PDZRN4: variants seen among roughly 807,000 people sequenced by gnomAD.
PDZRN4 encodes the protein PDZ domain containing ring finger 4.
Under a neutral mutation model 99.0 loss-of-function variants are expected in PDZRN4, and 70 were observed. The ratio of observed to expected loss-of-function variants is 0.71; its 90% CI spans 0.58 to 0.86. The LOEUF is 0.86. Among genes scored for constraint, PDZRN4 ranks in the 40% least tolerant of loss-of-function variants. The probability of loss-of-function intolerance (pLI) is 0.00; values close to 1 mark genes in which losing one functional copy is unlikely to be tolerated. For missense variants in PDZRN4, 1,474 were observed against 1,331.2 expected, an observed-to-expected ratio of 1.11 and a Z score of -1.67; for synonymous variants, 551 against 501.6, an observed-to-expected ratio of 1.10 and a Z score of -1.32.
At chr12:41,341,372 A>G (rs920109715) in intron 3 of PDZRN4, among the ~76,000 whole-genome samples, 2 of 151,850 alleles carry the variant, frequency 1.3e-5, no homozygotes, top group African/African-American at 4.8e-5. Context: ...TAGGCAAAAA[A>G]AGAAATAAAA....
chr12:41,526,714 A>G (rs1322239128), intron 5 of PDZRN4, among the ~76,000 whole-genome samples: 1 of 152,214 alleles, frequency 6.6e-6, no homozygotes, highest in Admixed American at 6.5e-5. Context: ...ATAAGTAGTC[A>G]AAGATATAAA....
chr12:41,230,578 A>C (rs1232203824), intron 3 of PDZRN4, among the ~76,000 whole-genome samples: 2 of 152,096 alleles, frequency 1.3e-5, no homozygotes, highest in Non-Finnish European at 2.9e-5. Context: ...TTATACATGC[A>C]ATCTGTTAGA....
At chr12:41,237,015 A>G (rs2120772916) in intron 3 of PDZRN4, among the ~76,000 whole-genome samples, 1 of 152,332 alleles carries the variant, frequency 6.6e-6, no homozygotes, top group Middle Eastern at 3.4e-3. Context: ...TACACAGGAA[A>G]CATTTAACAT....
At chr12:41,202,340 C>T (rs576550493) in intron 3 of PDZRN4, among the ~76,000 whole-genome samples, 41 of 152,138 alleles carry the variant, frequency 2.7e-4, no homozygotes, top group Non-Finnish European at 4.7e-4. Context: ...GTTGTGCTTT[C>T]GTAAGTACAT....
intron 3 of PDZRN4, among the ~76,000 whole-genome samples, chr12:41,377,984 G>C (rs1952094363): frequency 6.6e-6 from 1 of 151,962 alleles, no homozygotes; most frequent in Non-Finnish European, 1.5e-5. Flanking sequence ...TCTTCTTCTT[G>C]CTTGATGCTA....
At chr12:41,250,685 A>G (rs911193819) in intron 3 of PDZRN4, among the ~76,000 whole-genome samples, 5 of 152,212 alleles carry the variant, frequency 3.3e-5, no homozygotes, top group African/African-American at 1.2e-4. Context: ...GTAGATGCCT[A>G]ATGATTTCCT....
At chr12:41,287,340 C>CT in intron 3 of PDZRN4, among the ~76,000 whole-genome samples, 1 of 152,226 alleles carries the variant, frequency 6.6e-6, no homozygotes, top group East Asian at 1.9e-4. Context: ...CTCTAAGATC[C>CT]TTTCTAGCTC....
intron 3 of PDZRN4, among the ~76,000 whole-genome samples, chr12:41,351,685 C>T (rs568712525): frequency 9.9e-5 from 15 of 152,130 alleles, no homozygotes; most frequent in Non-Finnish European, 1.5e-4. Flanking sequence ...ATTCAGTCAC[C>T]TCCCACAAGG....
At chr12:41,419,194 G>C (rs1055182379) in intron 3 of PDZRN4, among the ~76,000 whole-genome samples, 1 of 152,242 alleles carries the variant, frequency 6.6e-6, no homozygotes, top group East Asian at 1.9e-4. Context: ...TTTTATGCCT[G>C]TTTAAAAAGT....
At chr12:41,423,544 T>A (rs1301481952) in intron 3 of PDZRN4, among the ~76,000 whole-genome samples, 1 of 152,162 alleles carries the variant, frequency 6.6e-6, no homozygotes, top group East Asian at 1.9e-4. Context: ...AAAATTTTGC[T>A]GCATCTCTGA....
chr12:41,211,477 A>C (rs1383756884), intron 3 of PDZRN4, among the ~76,000 whole-genome samples: 2 of 151,470 alleles, frequency 1.3e-5, no homozygotes, highest in African/African-American at 4.9e-5. Context: ...TTTTTTTTCT[A>C]GTAATTCCTA....
chr12:41,297,186 A>G (rs1308571982), intron 3 of PDZRN4, among the ~76,000 whole-genome samples: 2 of 152,138 alleles, frequency 1.3e-5, no homozygotes, highest in East Asian at 3.9e-4. Flanking sequence ...CATTTTCCAC[A>G]AACTTTTTGA....
At chr12:41,332,568 C>A (rs1369952190) in intron 3 of PDZRN4, among the ~76,000 whole-genome samples, 2 of 151,552 alleles carry the variant, frequency 1.3e-5, no homozygotes, top group African/African-American at 4.9e-5. Flanking sequence ...AGGTTAAGAA[C>A]CTAGGGGTCT....
intron 5 of PDZRN4, among the ~76,000 whole-genome samples, chr12:41,534,877 T>C (rs1315050711): frequency 6.6e-6 from 1 of 152,176 alleles, no homozygotes; most frequent in East Asian, 1.9e-4. Context: ...CAATATTCTG[T>C]CTTTATCTCC....
intron 3 of PDZRN4, among the ~76,000 whole-genome samples, chr12:41,334,601 C>G (rs749927070): frequency 6.6e-6 from 1 of 152,072 alleles, no homozygotes; most frequent in South Asian, 2.1e-4. Flanking sequence ...GTCCTTATCA[C>G]GGCTTTGACT....
chr12:41,505,370 G>T (rs551676656), intron 3 of PDZRN4, among the ~76,000 whole-genome samples: 1 of 152,232 alleles, frequency 6.6e-6, no homozygotes, highest in African/African-American at 2.4e-5. Context: ...TTCATCTGGG[G>T]CGAGAGTCAT....
chr12:41,555,670 T>G, intron 6 of PDZRN4, 28 bp from the exon 7 acceptor site: 2 of 1,570,952 alleles, frequency 1.3e-6, no homozygotes, highest in Non-Finnish European at 1.8e-6. Context: ...TCATACCCAG[T>G]TGAAGATGTA....
chr12:41,509,918 G>A lies in PDZRN4; in HGVS notation c.1203+5G>A, dbSNP rs1231439034. On this transcript the variant is annotated splice_donor_5th_base_variant and intron_variant, in intron 5 of 9. Coordinates refer to ENST00000402685, the MANE Select transcript of PDZRN4 (RefSeq NM_001164595.2). ...ACAGAAGACTTTGAATATGAGGTAA[G>A]GTCATTTTCATACCACTTCACATTT... is the stretch of plus-strand genomic sequence containing the variant. 6.4e-6 allele frequency: 9 copies of A among 1,416,098 alleles called. No individual in the cohort carries two copies. In the African/African-American group the frequency reaches 8.5e-5, roughly 13 times the overall value. 87.7% of individuals were successfully genotyped at this position (1,416,098 alleles called of 1,614,324 possible).
chr12:41,529,790 T>C (rs1938628984), intron 5 of PDZRN4, among the ~76,000 whole-genome samples: 2 of 152,218 alleles, frequency 1.3e-5, no homozygotes, highest in Non-Finnish European at 2.9e-5. Context: ...ATATGTGATC[T>C]CAAACTCTTT....
Sources: allele counts gnomAD v4.1 joint callset (sites outside exome capture counted in the v4.1 genomes callset), GRCh38; gene constraint gnomAD v4.1.1; transcripts MANE v1.5; gene names NCBI Gene and HGNC (gene_info 2026-07-23, HGNC 2026-07-21).